RANBP2: variants seen among roughly 807,000 people sequenced by gnomAD.
RANBP2 encodes the protein RAN binding protein 2, also known as E3 SUMO-protein ligase RanBP2.
RANBP2 carries 57 observed loss-of-function variants against 303.6 expected under a neutral mutation model. That is an observed-to-expected ratio of 0.19 (90% CI 0.15 to 0.23). The LOEUF is 0.23. Among genes scored for constraint, RANBP2 ranks in the 10% least tolerant of loss-of-function variants. RANBP2 has a pLI of 1.00. For synonymous variants in RANBP2, 1,167 were observed against 1,301.5 expected, an observed-to-expected ratio of 0.90 and a Z score of 2.23; for missense variants, 3,138 against 3,780.8, an observed-to-expected ratio of 0.83 and a Z score of 4.46.
the RANBP2 span, among the ~76,000 whole-genome samples, chr2:108,832,403 A>C: frequency 6.9e-6 from 1 of 143,896 alleles, no homozygotes; most frequent in Non-Finnish European, 1.5e-5. Context: ...GCTGGAGTGC[A>C]ATGGTGTGAT....
chr2:109,078,242 A>C, the RANBP2 span, among the ~76,000 whole-genome samples: 1 of 30,972 alleles, frequency 3.2e-5, no homozygotes, highest in Admixed American at 4.1e-4. Flanking sequence ...ATATATATAT[A>C]GCGTGTATAT....
intron 23 of RANBP2, among the ~76,000 whole-genome samples, chr2:108,774,694 T>C (rs1310124761): frequency 1.3e-5 from 2 of 151,280 alleles, no homozygotes; most frequent in Non-Finnish European, 2.9e-5. Flanking sequence ...TTGCACTTTT[T>C]TTCTAGTTTC....
chr2:109,180,555 T>G, the RANBP2 span, among the ~76,000 whole-genome samples: 1 of 152,188 alleles, frequency 6.6e-6, no homozygotes, highest in Non-Finnish European at 1.5e-5. Context: ...CAGTGGGAGA[T>G]AATTGAATCA....
At chr2:109,093,391 G>A in the RANBP2 span, among the ~76,000 whole-genome samples, 4 of 131,494 alleles carry the variant, frequency 3.0e-5, no homozygotes, top group Middle Eastern at 5.0e-3. Flanking sequence ...TCTAAACCAC[G>A]TTTGCGGAGA....
chr2:109,632,668 A>C, the RANBP2 span, among the ~76,000 whole-genome samples: 1 of 152,098 alleles, frequency 6.6e-6, no homozygotes, highest in Non-Finnish European at 1.5e-5. Context: ...AAAAATACAA[A>C]AATTATCTGG....
chr2:108,792,666 T>C, the RANBP2 span, among the ~76,000 whole-genome samples: 1 of 152,208 alleles, frequency 6.6e-6, no homozygotes, highest in Non-Finnish European at 1.5e-5. Flanking sequence ...CATACTATGT[T>C]TTATTTTTAC....
the RANBP2 span, among the ~76,000 whole-genome samples, chr2:109,628,992 T>C: frequency 4.6e-5 from 7 of 151,690 alleles, no homozygotes; most frequent in Non-Finnish European, 1.0e-4. Context: ...TCACCTGAGG[T>C]CAGGAGTTTG....
the RANBP2 span, chr2:109,347,732 G>A: frequency 6.2e-7 from 1 of 1,613,936 alleles, no homozygotes; most frequent in Non-Finnish European, 8.5e-7. Flanking sequence ...AAGGAACCTG[G>A]TGACCTCAAG....
chr2:108,930,863 C>A, the RANBP2 span: 1 of 1,300,766 alleles, frequency 7.7e-7, no homozygotes. Context: ...GGAGGAGGGA[C>A]TATGATCAGC....
At chr2:109,308,920 TC>T in the RANBP2 span, among the ~76,000 whole-genome samples, 29 of 80,514 alleles carry the variant, frequency 3.6e-4, 8 homozygotes, top group Non-Finnish European at 5.3e-4. Flanking sequence ...CTTTTTTGGT[TC>T]CATGTGAACT....
the RANBP2 span, among the ~76,000 whole-genome samples, chr2:108,820,052 A>G: frequency 3.1e-3 from 478 of 152,322 alleles, 3 homozygotes; most frequent in African/African-American, 0.011. Context: ...CTGAACTATA[A>G]AAGTCAACAG....
the RANBP2 span, among the ~76,000 whole-genome samples, chr2:109,151,515 G>T: frequency 2.0e-5 from 3 of 152,324 alleles, no homozygotes; most frequent in East Asian, 5.8e-4. Flanking sequence ...AAAGAAATTG[G>T]TGAAATTAAT....
chr2:108,890,095 G>A, the RANBP2 span, among the ~76,000 whole-genome samples: 1 of 150,940 alleles, frequency 6.6e-6, no homozygotes, highest in East Asian at 2.0e-4. Context: ...ATTTATGAAG[G>A]ATAATTTTGC....
At chr2:109,246,669 C>T in the RANBP2 span, among the ~76,000 whole-genome samples, 3 of 152,194 alleles carry the variant, frequency 2.0e-5, no homozygotes, top group South Asian at 2.1e-4. Context: ...GTGGACTTAA[C>T]GTGCCTGGTG....
chr2:109,392,722 A>G, the RANBP2 span, among the ~76,000 whole-genome samples: 2 of 151,438 alleles, frequency 1.3e-5, no homozygotes, highest in Non-Finnish European at 2.9e-5. Flanking sequence ...TCACCGTGTT[A>G]GCCAGGATGG....
chr2:109,316,327 G>A, the RANBP2 span, among the ~76,000 whole-genome samples: 1 of 152,186 alleles, frequency 6.6e-6, no homozygotes, highest in African/African-American at 2.4e-5. Context: ...GGGAGGACAT[G>A]TTGCCAGGTG....
At chr2:108,798,785 TTCTC>T in the RANBP2 span, among the ~76,000 whole-genome samples, 1 of 134,320 alleles carries the variant, frequency 7.4e-6, no homozygotes, top group Admixed American at 7.7e-5. Flanking sequence ...ATTTGCTTAT[TTCTC>T]CTTCCCTTCC....
chr2:109,649,912 T>C, the RANBP2 span, among the ~76,000 whole-genome samples: 14 of 152,220 alleles, frequency 9.2e-5, no homozygotes, highest in Admixed American at 8.5e-4. Context: ...TGGAAAGCCA[T>C]TGCAACAATA....
chr2:109,581,135 T>A, the RANBP2 span, among the ~76,000 whole-genome samples: 1 of 152,208 alleles, frequency 6.6e-6, no homozygotes. Context: ...ATTTTGAATG[T>A]ACACTTAAAA....
Sources: allele counts gnomAD v4.1 joint callset (sites outside exome capture counted in the v4.1 genomes callset), GRCh38; gene constraint gnomAD v4.1.1; transcripts MANE v1.5; gene names NCBI Gene and HGNC (gene_info 2026-07-23, HGNC 2026-07-21).